The following CACNA2D3 variants were observed in gnomAD, a reference collection of about 807,000 sequenced individuals.
CACNA2D3 encodes voltage-dependent calcium channel subunit alpha-2/delta-3.
A neutral mutation model predicts 160.6 loss-of-function variants in CACNA2D3; 60 were observed. The ratio of observed to expected loss-of-function variants is 0.37; its 90% CI spans 0.30 to 0.46. The LOEUF (loss-of-function observed/expected upper bound fraction) is 0.46. CACNA2D3 is among the 20% of genes least tolerant of loss of function. The pLI, the probability that CACNA2D3 is intolerant of heterozygous loss-of-function variation, is 1.00. For missense variants in CACNA2D3, 1,205 were observed against 1,365.0 expected, an observed-to-expected ratio of 0.88 and a Z score of 1.85; for synonymous variants, 558 against 492.9, an observed-to-expected ratio of 1.13 and a Z score of -1.75.
chr3:54,492,371 G>A (rs1392598261), intron 4 of CACNA2D3, among the ~76,000 whole-genome samples: 2 of 152,090 alleles, frequency 1.3e-5, no homozygotes, highest in African/African-American at 4.8e-5. Context: ...TACTACTCTG[G>A]ACCAGCTCCT....
intron 5 of CACNA2D3, among the ~76,000 whole-genome samples, chr3:54,504,120 A>G (rs1298315677): frequency 6.6e-6 from 1 of 152,192 alleles, no homozygotes; most frequent in Non-Finnish European, 1.5e-5. Flanking sequence ...CAGTTTGTGG[A>G]ATGGCATTTA....
At chr3:54,257,632 A>T (rs943549082) in intron 2 of CACNA2D3, among the ~76,000 whole-genome samples, 6 of 151,868 alleles carry the variant, frequency 4.0e-5, no homozygotes, top group African/African-American at 1.5e-4. Flanking sequence ...ATTTTTTTTC[A>T]TCTGAAAAGC....
rs541310300 is a variant in CACNA2D3, at chr3:54,883,453, AT to A, written c.1913-1826del. Among the ~76,000 whole-genome samples, 89 of 152,326 alleles carry A rather than the reference AT, an allele frequency of 5.8e-4. No individual in the cohort carries two copies. In the Middle Eastern group the frequency reaches 0.01, roughly 17 times the overall value. Reference sequence around the variant, plus strand: ...AAGGACCAATGTCAGAGGTGAGAGAATTAGAAAGCAATTAAATTTCCTTGGT... The same window carrying A: ...AAGGACCAATGTCAGAGGTGAGAGAATAGAAAGCAATTAAATTTCCTTGGT... On this transcript the variant is annotated intron_variant, in intron 21 of 37. Coordinates refer to ENST00000474759, the MANE Select transcript of CACNA2D3 (RefSeq NM_018398.3).
chr3:54,560,508 A>C (rs1044272688), intron 5 of CACNA2D3, among the ~76,000 whole-genome samples: 1 of 152,116 alleles, frequency 6.6e-6, no homozygotes, highest in African/African-American at 2.4e-5. Context: ...AATTTGCAAA[A>C]ATTTTCTCCT....
intron 4 of CACNA2D3, among the ~76,000 whole-genome samples, chr3:54,413,545 A>G (rs982476563): frequency 2.6e-5 from 4 of 151,188 alleles, no homozygotes; most frequent in African/African-American, 9.7e-5. Context: ...CTTTCTCTTT[A>G]TATTTCCTTC....
At chr3:54,694,387 G>A (rs1184271522) in intron 11 of CACNA2D3, among the ~76,000 whole-genome samples, 2 of 152,092 alleles carry the variant, frequency 1.3e-5, no homozygotes, top group Non-Finnish European at 2.9e-5. Flanking sequence ...ACCAAATCTT[G>A]TAATAACACA....
chr3:55,021,627 A>G (rs358037), intron 35 of CACNA2D3, among the ~76,000 whole-genome samples: 8,822 of 111,496 alleles, frequency 0.079, 657 homozygotes, highest in African/African-American at 0.32. Context: ...GTGTGTGTGT[A>G]TATATATATA....
chr3:54,841,841 TC>T (rs1698825318), intron 16 of CACNA2D3, among the ~76,000 whole-genome samples: 1 of 152,158 alleles, frequency 6.6e-6, no homozygotes, highest in South Asian at 2.1e-4. Context: ...GGGAAGTGCC[TC>T]CTTTCCCCAG....
intron 2 of CACNA2D3, among the ~76,000 whole-genome samples, chr3:54,182,472 C>T (rs1368122657): frequency 6.6e-6 from 1 of 152,170 alleles, no homozygotes; most frequent in African/African-American, 2.4e-5. Flanking sequence ...TAAATGCATT[C>T]CTTCCTATTG....
chr3:54,148,693 C>T (rs574503447), intron 2 of CACNA2D3, among the ~76,000 whole-genome samples: 5 of 152,200 alleles, frequency 3.3e-5, no homozygotes, highest in South Asian at 4.2e-4. Context: ...GAAGACAGCT[C>T]GGGCCGGGTG....
At chr3:54,667,834 C>G (rs543743085) in intron 11 of CACNA2D3, among the ~76,000 whole-genome samples, 8 of 151,874 alleles carry the variant, frequency 5.3e-5, no homozygotes, top group African/African-American at 1.9e-4. Flanking sequence ...GTTCTCCCAG[C>G]TACTTGAGAG....
intron 3 of CACNA2D3, among the ~76,000 whole-genome samples, chr3:54,345,501 C>G (rs1034238156): frequency 1.3e-4 from 20 of 152,156 alleles, no homozygotes; most frequent in Non-Finnish European, 1.6e-4. Context: ...TGGCCTTGCT[C>G]AGTTCTAGCT....
At chr3:54,530,454 T>C (rs926998568) in intron 5 of CACNA2D3, among the ~76,000 whole-genome samples, 56 of 152,312 alleles carry the variant, frequency 3.7e-4, no homozygotes, top group African/African-American at 1.3e-3. Context: ...AGTGAGCACA[T>C]TTGTGTATAG....
At chr3:54,744,881 C>T (rs928160985) in intron 11 of CACNA2D3, among the ~76,000 whole-genome samples, 1 of 152,174 alleles carries the variant, frequency 6.6e-6, no homozygotes, top group African/African-American at 2.4e-5. Context: ...GGTGGAGGAT[C>T]CCCATGTTGG....
At chr3:54,132,131 A>G (rs993683330) in intron 2 of CACNA2D3, among the ~76,000 whole-genome samples, 3 of 152,372 alleles carry the variant, frequency 2.0e-5, no homozygotes, top group South Asian at 4.1e-4. Flanking sequence ...CGTCATGTAC[A>G]AACAGCTCAA....
intron 27 of CACNA2D3, among the ~76,000 whole-genome samples, chr3:54,961,536 C>G (rs1452820714): frequency 1.3e-5 from 2 of 152,152 alleles, no homozygotes; most frequent in Non-Finnish European, 2.9e-5. Context: ...TAGAACAAGC[C>G]AGTGCAAGTC....
At chr3:54,518,282 A>G (rs527554710) in intron 5 of CACNA2D3, among the ~76,000 whole-genome samples, 34 of 152,292 alleles carry the variant, frequency 2.2e-4, no homozygotes, top group African/African-American at 7.0e-4. Context: ...GTAAGGCCTG[A>G]TACCCCTACA....
At chr3:54,893,729 T>C (rs577612052) in intron 25 of CACNA2D3, among the ~76,000 whole-genome samples, 1 of 152,240 alleles carries the variant, frequency 6.6e-6, no homozygotes, top group South Asian at 2.1e-4. Context: ...CCCCGCCACC[T>C]GCATTTGGAA....
intron 11 of CACNA2D3, among the ~76,000 whole-genome samples, chr3:54,751,556 C>T (rs1701857261): frequency 6.6e-6 from 1 of 152,162 alleles, no homozygotes; most frequent in African/African-American, 2.4e-5. Context: ...CCTTCCTTCC[C>T]TAGTCAACTG....
Sources: gnomAD v4.1 joint callset for allele counts (sites outside exome capture counted in the v4.1 genomes callset) on GRCh38, gnomAD v4.1.1 for gene constraint, MANE v1.5 for transcripts, NCBI Gene and HGNC (gene_info 2026-07-23, HGNC 2026-07-21) for gene names.